The following TMEM132B variants were observed in gnomAD, a reference collection of about 807,000 sequenced individuals.
TMEM132B encodes transmembrane protein 132B.
A neutral mutation model predicts 90.8 loss-of-function variants in TMEM132B; 18 were observed. That is an observed-to-expected ratio of 0.20 (90% CI 0.14 to 0.29). TMEM132B has a LOEUF of 0.29. Among genes scored for constraint, TMEM132B ranks in the 10% least tolerant of loss-of-function variants. The pLI, the probability that TMEM132B is intolerant of heterozygous loss-of-function variation, is 1.00. For synonymous variants in TMEM132B, 504 were observed against 523.3 expected (o/e 0.96, Z 0.50); for missense variants, 1,096 against 1,326.8 (o/e 0.83, Z 2.70).
chr12:125,496,786 T>C (rs1882572432), intron 3 of TMEM132B, among the ~76,000 whole-genome samples: 1 of 152,194 alleles, frequency 6.6e-6, no homozygotes, highest in East Asian at 1.9e-4. Flanking sequence ...AAGTGTTCAG[T>C]TTCCTCTACC....
chr12:125,288,482 G>C (rs962112049), intron 1 of TMEM132B, among the ~76,000 whole-genome samples: 1 of 103,254 alleles, frequency 9.7e-6, no homozygotes, highest in African/African-American at 3.5e-5. Flanking sequence ...AAAAAAAAAA[G>C]AGCTGCTAGC....
chr12:125,234,294 T>C (rs774209552), intron 1 of TMEM132B, among the ~76,000 whole-genome samples: 6 of 152,204 alleles, frequency 3.9e-5, no homozygotes, highest in Non-Finnish European at 5.9e-5. Flanking sequence ...CAGTTGAAAA[T>C]GTCCCATCCT....
chr12:125,270,575 A>T (rs887717596), intron 1 of TMEM132B, among the ~76,000 whole-genome samples: 1 of 152,198 alleles, frequency 6.6e-6, no homozygotes, highest in Non-Finnish European at 1.5e-5. Context: ...CCAGGTGGTT[A>T]CCACTGTAGG....
At chr12:125,552,600 A>G (rs371415095) in intron 4 of TMEM132B, among the ~76,000 whole-genome samples, 2 of 152,150 alleles carry the variant, frequency 1.3e-5, no homozygotes, top group Admixed American at 1.3e-4. Context: ...GCCCCTCCCC[A>G]TGCCTTCCTC....
chr12:125,355,456 A>G (rs1034720094), intron 2 of TMEM132B, among the ~76,000 whole-genome samples: 3 of 152,146 alleles, frequency 2.0e-5, no homozygotes, highest in African/African-American at 7.2e-5. Flanking sequence ...GCAGAGGCAG[A>G]AAAGAGAAGA....
At chr12:125,473,786 C>A (rs573845419) in intron 3 of TMEM132B, among the ~76,000 whole-genome samples, 19 of 152,188 alleles carry the variant, frequency 1.2e-4, no homozygotes, top group Non-Finnish European at 2.1e-4. Context: ...AAGACACAGA[C>A]ACACAATATG....
At chr12:125,639,373 A>G (rs1237204255) in intron 5 of TMEM132B, among the ~76,000 whole-genome samples, 2 of 152,248 alleles carry the variant, frequency 1.3e-5, no homozygotes, top group African/African-American at 2.4e-5. Flanking sequence ...TTGCCTTCTT[A>G]CAGATACACA....
At chr12:125,225,824 A>C (rs1275353355) in intron 1 of TMEM132B, among the ~76,000 whole-genome samples, 2 of 152,174 alleles carry the variant, frequency 1.3e-5, no homozygotes, top group South Asian at 4.1e-4. Flanking sequence ...CTTGCGTTCC[A>C]TTAATTCAGG....
intron 1 of TMEM132B, among the ~76,000 whole-genome samples, chr12:125,238,403 G>A: frequency 6.9e-6 from 1 of 144,952 alleles, no homozygotes; most frequent in South Asian, 2.2e-4. Context: ...AAACAAAAAC[G>A]CAGTCTCAGA....
At chr12:125,208,448 C>T (rs1376272819) in intron 1 of TMEM132B, among the ~76,000 whole-genome samples, 1 of 152,226 alleles carries the variant, frequency 6.6e-6, no homozygotes, top group East Asian at 1.9e-4. Context: ...AGCCACTCCC[C>T]ACCCCCATTC....
intron 4 of TMEM132B, among the ~76,000 whole-genome samples, chr12:125,555,865 G>T (rs540325098): frequency 6.6e-6 from 1 of 152,130 alleles, no homozygotes; most frequent in Non-Finnish European, 1.5e-5. Context: ...TTGAAAATAC[G>T]TACGTGTATT....
intron 4 of TMEM132B, among the ~76,000 whole-genome samples, chr12:125,531,871 G>A (rs755911609): frequency 6.6e-6 from 1 of 152,218 alleles, no homozygotes; most frequent in Non-Finnish European, 1.5e-5. Context: ...TGTAAATGCC[G>A]CCGTAGCACT....
chr12:125,489,515 C>T (rs530115420), intron 3 of TMEM132B, among the ~76,000 whole-genome samples: 37 of 152,208 alleles, frequency 2.4e-4, no homozygotes, highest in African/African-American at 8.9e-4. Flanking sequence ...AGTGATCCTC[C>T]TGCCTTAGCC....
At chr12:125,272,699 C>A in intron 1 of TMEM132B, among the ~76,000 whole-genome samples, 1 of 152,160 alleles carries the variant, frequency 6.6e-6, no homozygotes, top group East Asian at 1.9e-4. Flanking sequence ...GAGCTAAAGG[C>A]GGAGGGAAGG....
In TMEM132B at chr12:125,432,503, G is replaced by GTATGTGTATATATA. The variant is rs1566034816; in HGVS notation, c.1106+16827_1106+16828insATGTGTATATATAT. Among the ~76,000 whole-genome samples, 87 of 13,890 alleles carry GTATGTGTATATATA rather than the reference G, an allele frequency of 6.3e-3. 9 individuals are homozygous for GTATGTGTATATATA. Among genetic ancestry groups the GTATGTGTATATATA allele is most frequent in the African/African-American group, 0.03 (67 of 2,206 alleles). 9.1% of individuals were successfully genotyped at this position (13,890 alleles called of 152,430 possible). On this transcript the variant is annotated intron_variant, in intron 3 of 8. Transcript: ENST00000682704. The stretch of plus-strand genomic sequence containing the variant: ...TATATATATGTATGTGTATATATAT[G>GTATGTGTATATATA]TGTGTGTGTATATATATATATATAT...
At chr12:125,230,200 T>A (rs1593048866) in intron 1 of TMEM132B, among the ~76,000 whole-genome samples, 2 of 152,338 alleles carry the variant, frequency 1.3e-5, no homozygotes, top group East Asian at 1.9e-4. Flanking sequence ...TTTCTTTTTT[T>A]AATTGCTGGT....
intron 2 of TMEM132B, among the ~76,000 whole-genome samples, chr12:125,386,907 C>T (rs927604786): frequency 6.6e-6 from 1 of 152,182 alleles, no homozygotes; most frequent in Non-Finnish European, 1.5e-5. Context: ...AAATAAATCT[C>T]ACACTCTCTA....
chr12:125,543,354 A>G (rs1296580421), intron 4 of TMEM132B, among the ~76,000 whole-genome samples: 1 of 152,262 alleles, frequency 6.6e-6, no homozygotes, highest in African/African-American at 2.4e-5. Flanking sequence ...AATAAACAAT[A>G]CAAATTTAAA....
At chr12:125,333,696 C>T (rs145047982) in intron 1 of TMEM132B, among the ~76,000 whole-genome samples, 1 of 152,322 alleles carries the variant, frequency 6.6e-6, no homozygotes, top group Non-Finnish European at 1.5e-5. Flanking sequence ...TAGCTGATTA[C>T]TGCTGGGTAA....
Sources: allele counts gnomAD v4.1 joint callset (sites outside exome capture counted in the v4.1 genomes callset), GRCh38; gene constraint gnomAD v4.1.1; transcripts MANE v1.5; gene names NCBI Gene and HGNC (gene_info 2026-07-23, HGNC 2026-07-21).